The following APOL1 variants were observed in gnomAD, a reference collection of about 807,000 sequenced individuals.
APOL1 encodes apolipoprotein L1, also known as apolipoprotein L 1.
Under a neutral mutation model 14.9 loss-of-function variants are expected in APOL1, and 17 were observed. The observed-to-expected ratio is 1.14, with a 90% CI of 0.78 to 1.71. The LOEUF (loss-of-function observed/expected upper bound fraction) is 1.71. Among genes scored for constraint, APOL1 ranks in the 40% most tolerant of loss-of-function variants. The pLI, the probability that APOL1 is intolerant of heterozygous loss-of-function variation, is 0.00. For missense variants in APOL1, 523 were observed against 485.9 expected, an observed-to-expected ratio of 1.08 and a Z score of -0.72; for synonymous variants, 195 against 184.8, an observed-to-expected ratio of 1.05 and a Z score of -0.45.
chr22:36,261,013 T>C (rs1350738654), intron 4 of APOL1, among the ~76,000 whole-genome samples: 1 of 152,226 alleles, frequency 6.6e-6, no homozygotes, highest in Non-Finnish European at 1.5e-5. Context: ...ATGTTTCCAC[T>C]TCCTTGGCCT....
intron 4 of APOL1, among the ~76,000 whole-genome samples, chr22:36,258,669 G>A (rs1051094636): frequency 3.9e-5 from 6 of 152,274 alleles, no homozygotes; most frequent in East Asian, 3.9e-4. Context: ...AGAGCCAGTC[G>A]GGCCCAGTGG....
Position 36,257,971 on chromosome 22 carries a change from G to A in APOL1, c.187+564G>A, listed in dbSNP as rs528380826. Among the ~76,000 whole-genome samples, 93 of 152,274 alleles carry A rather than the reference G, an allele frequency of 6.1e-4. No homozygotes were observed. The Middle Eastern group carries it at 0.027, about 45-fold the overall frequency. On this transcript the variant is annotated intron_variant, in intron 4 of 5. Transcript: ENST00000397278. ...CCACATCCCCTCTGTGTGACCTGGC[G>A]CTCCTTACCTCCCTTCTCCTGTACC...
chr22:36,254,831 C>T, intron 1 of APOL1, 106 bp from the exon 2 acceptor site: 1 of 1,475,496 alleles, frequency 6.8e-7, no homozygotes, highest in Non-Finnish European at 9.4e-7. Flanking sequence ...CCACTGCACT[C>T]CAGCCTGGGT....
In APOL1 at chr22:36,261,686, C is replaced by T. The variant is rs1358859127; in HGVS notation, c.278C>T (p.Ala93Val). Reference sequence around the variant, plus strand: ...CTACTCCTGCTGACTGATAATGAGGCCTGGAACGGATTCGTGGCTGCTGCT... The same window carrying T: ...CTACTCCTGCTGACTGATAATGAGGTCTGGAACGGATTCGTGGCTGCTGCT... ...NLLLLLTDNE[A>V]WNGFVAAAEL... Residue 93 changes from alanine to valine, a missense_variant, in exon 5 of 6, where the codon GCC (alanine) becomes GTC (valine). Transcript: ENST00000397278. 3 of 1,613,972 alleles carry T rather than the reference C, an allele frequency of 1.9e-6. No individual in the cohort carries two copies. Among genetic ancestry groups the T allele is most frequent in the East Asian group, 2.2e-5 (1 of 44,882 alleles).
rs1438852428 is a variant in APOL1 at position 36,266,334 on chromosome 22, C to T, written c.*301C>T. 4.9e-6 allele frequency: 2 copies of T among 407,334 alleles called. No individual in the cohort carries two copies. Among genetic ancestry groups the T allele is most frequent in the Non-Finnish European group, 8.7e-6 (2 of 230,510 alleles). The allele number at this position is 407,334 out of a possible 1,614,324, so 25.2% of individuals were successfully genotyped here. On this transcript the variant is annotated 3_prime_UTR_variant, in exon 6 of 6. Transcript: ENST00000397278. ...TCGATCTCCTGACCTCTTGATCTGC[C>T]CACCTTGGCCTCCCAAAGTGCTGGG...
At position 36,266,814 on chromosome 22, in the gene APOL1, A is replaced by T. The variant is rs2016284625; in HGVS notation, c.*781A>T. The T allele has an allele frequency of 3.6e-6, 1 of 279,848 alleles. No individual in the cohort carries two copies. Among genetic ancestry groups the T allele is most frequent in the Admixed American group, 5.3e-5 (1 of 18,858 alleles). 17.3% of individuals were successfully genotyped at this position (279,848 alleles called of 1,614,324 possible). ...CAGCTAACTGGGCGGCTGAGGCAGG[A>T]GAATGGCGTGAACCTGGGAGGTGGA... is the stretch of plus-strand genomic sequence containing the variant. On this transcript the variant is annotated 3_prime_UTR_variant, in exon 6 of 6. Coordinates refer to ENST00000397278, the MANE Select transcript of APOL1 (RefSeq NM_003661.4).
chr22:36,256,634 G>A (rs1313527937), intron 2 of APOL1, among the ~76,000 whole-genome samples: 1 of 152,204 alleles, frequency 6.6e-6, no homozygotes, highest in Non-Finnish European at 1.5e-5. Flanking sequence ...CCAAGATGAA[G>A]AGTTGAGCAC....
intron 4 of APOL1, among the ~76,000 whole-genome samples, chr22:36,260,526 A>C (rs938376342): frequency 6.6e-6 from 1 of 152,210 alleles, no homozygotes; most frequent in Non-Finnish European, 1.5e-5. Flanking sequence ...AGATCCCTGC[A>C]AACCACACGT....
intron 4 of APOL1, chr22:36,257,650 C>A (rs1603482008): frequency 8.9e-6 from 3 of 335,506 alleles, no homozygotes; most frequent in Admixed American, 4.1e-5. Flanking sequence ...TGGCACCTAG[C>A]AAATGACTCA....
In APOL1 at chr22:36,267,481, G is replaced by A. The variant is rs1318041219; in HGVS notation, c.*1448G>A. ...TCTAGAGCTGTCTTGTCGCCGCCCA[G>A]GATTGACCTGTGTGTAAGTCCCAAT... On this transcript the variant is annotated 3_prime_UTR_variant, in exon 6 of 6. Coordinates refer to ENST00000397278, the MANE Select transcript of APOL1 (RefSeq NM_003661.4). 2 of 146,858 alleles carry A rather than the reference G, an allele frequency of 1.4e-5. No homozygotes were observed. Among genetic ancestry groups the A allele is most frequent in the Non-Finnish European group, 3.0e-5 (2 of 65,882 alleles). 9.1% of individuals were successfully genotyped at this position (146,858 alleles called of 1,614,324 possible). A position where few individuals can be genotyped will look rare whatever the true frequency, so the allele number is the denominator to read the frequency against.
At chr22:36,259,592 TC>T (rs2016009684) in intron 4 of APOL1, 1 of 1,228,214 alleles carries the variant, frequency 8.1e-7, no homozygotes, top group Non-Finnish European at 1.1e-6. Context: ...GACCCCGGAA[TC>T]CTTACGAAGG....
intron 1 of APOL1, chr22:36,254,095 T>C: frequency 1.4e-6 from 2 of 1,380,760 alleles, no homozygotes; most frequent in Non-Finnish European, 2.0e-6. Context: ...TTTGCTTCAA[T>C]ATTAGAGTCA....
chr22:36,265,171 G>T lies in APOL1; in HGVS notation c.335G>T (p.Arg112Leu). ...ELPRNEADEL[R>L]KALDNLARQM... Reference sequence around the variant, plus strand: ...TGCAGGAATGAGGCAGATGAGCTCCGTAAAGCTCTGGACAACCTTGCAAGA... The same window carrying T: ...TGCAGGAATGAGGCAGATGAGCTCCTTAAAGCTCTGGACAACCTTGCAAGA... The change falls in exon 6 of 6, where the codon CGT becomes CTT. Residue 112 changes from arginine to leucine, a missense_variant. Coordinates refer to ENST00000397278, the MANE Select transcript of APOL1 (RefSeq NM_003661.4). The T allele has an allele frequency of 6.2e-7, 1 of 1,614,128 alleles. No individual in the cohort carries two copies. Among genetic ancestry groups the T allele is most frequent in the Non-Finnish European group, 8.5e-7 (1 of 1,180,028 alleles).
At chr22:36,260,999 T>A (rs2016056015) in intron 4 of APOL1, among the ~76,000 whole-genome samples, 1 of 152,240 alleles carries the variant, frequency 6.6e-6, no homozygotes, top group Non-Finnish European at 1.5e-5. Context: ...AAGTGATCAC[T>A]GGGATGTTTC....
chr22:36,253,195 G>C lies in APOL1; in HGVS notation c.-44G>C. 1 of 492,434 alleles carries C rather than the reference G, an allele frequency of 2.0e-6. No homozygotes were observed. Among genetic ancestry groups the C allele is most frequent in the Non-Finnish European group, 4.0e-6 (1 of 247,050 alleles). The allele number at this position is 492,434 out of a possible 1,614,324, so 30.5% of individuals were successfully genotyped here. ...GCTCAGAACAGCTGGATCTTGCTCA[G>C]TCTCTGCCAGGGGAAGATTCCTTGG... On this transcript the variant is annotated 5_prime_UTR_variant, in exon 1 of 6. Transcript: ENST00000397278.
Position 36,261,625 on chromosome 22 carries a change from A to G in APOL1, c.217A>G (p.Lys73Glu), listed in dbSNP as rs2016075921. 2.5e-6 allele frequency: 4 copies of G among 1,613,692 alleles called. No homozygotes were observed. Among genetic ancestry groups the G allele is most frequent in the Non-Finnish European group, 3.4e-6 (4 of 1,179,744 alleles). Reference protein sequence around the residue: ...ESSIFIEDAIKYFKEKVSTQN... With the variant: ...ESSIFIEDAIEYFKEKVSTQN... ...CAGTATCTTTATTGAGGATGCCATT[A>G]AGTATTTCAAGGAAAAAGTGAGCAC... Residue 73 changes from lysine (K) to glutamate (E), a missense_variant, in exon 5 of 6, where the codon AAG becomes GAG. By Grantham distance (56) the Lys-to-Glu change is moderately conservative (BLOSUM62 1). Coordinates refer to ENST00000397278, the MANE Select transcript of APOL1 (RefSeq NM_003661.4).
At position 36,265,342 on chromosome 22, in the gene APOL1, A is replaced by G. The variant is rs1319715219; in HGVS notation, c.506A>G (p.His169Arg). ...CTTGCAGATGGGGTTCAGAAGGTCC[A>G]CAAAGGCACCACCATCGCCAATGTG... Reference protein sequence around the residue: ...RALADGVQKVHKGTTIANVVS... With the variant: ...RALADGVQKVRKGTTIANVVS... The change falls in exon 6 of 6, where the codon CAC (histidine) becomes CGC (arginine). Residue 169 changes from histidine to arginine, a missense_variant. Transcript: ENST00000397278. 1 of 1,612,048 alleles carries G rather than the reference A, an allele frequency of 6.2e-7. No homozygotes were observed. Among genetic ancestry groups the G allele is most frequent in the Admixed American group, 1.7e-5 (1 of 59,830 alleles).
chr22:36,259,531 G>A (rs1005554616), intron 4 of APOL1: 1 of 1,180,024 alleles, frequency 8.5e-7, no homozygotes, highest in African/African-American at 1.6e-5. Flanking sequence ...GCTGAGTCCT[G>A]TCCAAGACGA....
At chr22:36,260,235 A>C (rs1177064609) in intron 4 of APOL1, among the ~76,000 whole-genome samples, 1 of 152,196 alleles carries the variant, frequency 6.6e-6, no homozygotes, top group Non-Finnish European at 1.5e-5. Flanking sequence ...TCTACTAAAA[A>C]TACAAAAAAA....
Sources: gnomAD v4.1 joint callset for allele counts (sites outside exome capture counted in the v4.1 genomes callset) on GRCh38, gnomAD v4.1.1 for gene constraint, MANE v1.5 for transcripts, NCBI Gene and HGNC (gene_info 2026-07-23, HGNC 2026-07-21) for gene names.